Variants in KSR2 observed in about 807,000 individuals in gnomAD.
KSR2 encodes the protein kinase suppressor of ras 2.
A neutral mutation model predicts 107.8 loss-of-function variants in KSR2; 25 were observed. That is an observed-to-expected ratio of 0.23 (90% CI 0.17 to 0.32). The LOEUF (loss-of-function observed/expected upper bound fraction) is 0.32, where lower values mean the gene tolerates loss of function less well. Ranked by LOEUF, KSR2 falls within the 10% of genes least tolerant of loss-of-function variation. The pLI, the probability that KSR2 is intolerant of heterozygous loss-of-function variation, is 1.00. For synonymous variants in KSR2, 480 were observed against 507.0 expected (o/e 0.95, Z 0.71); for missense variants, 887 against 1,268.9 (o/e 0.70, Z 4.57).
chr12:117,485,729 G>T, intron 14 of KSR2, 38 bp from the exon 15 acceptor site: 1 of 1,437,334 alleles, frequency 7.0e-7, no homozygotes, highest in Non-Finnish European at 9.8e-7. Flanking sequence ...AATGGCAGTC[G>T]TTCAGAAGAA....
chr12:117,511,388 T>C (rs910715970), intron 14 of KSR2, among the ~76,000 whole-genome samples: 1 of 152,204 alleles, frequency 6.6e-6, no homozygotes, highest in Non-Finnish European at 1.5e-5. Flanking sequence ...AAATTCATCT[T>C]GGGAAGGCAT....
chr12:117,920,860 T>A (rs1260263377), intron 1 of KSR2, among the ~76,000 whole-genome samples: 1 of 152,082 alleles, frequency 6.6e-6, no homozygotes, highest in Non-Finnish European at 1.5e-5. Context: ...GGCTTCAAAG[T>A]GGGTTTGCGG....
At chr12:117,632,426 C>T (rs1396840634) in intron 5 of KSR2, among the ~76,000 whole-genome samples, 1 of 151,860 alleles carries the variant, frequency 6.6e-6, no homozygotes, top group Non-Finnish European at 1.5e-5. Flanking sequence ...CGGGGTTTCA[C>T]TTTGTTGGCC....
chr12:117,741,377 G>A (rs1005136891), intron 4 of KSR2, among the ~76,000 whole-genome samples: 3 of 151,576 alleles, frequency 2.0e-5, no homozygotes, highest in Non-Finnish European at 4.4e-5. Context: ...AATTTAATTA[G>A]CTGGGCACAG....
chr12:117,489,215 A>G (rs924611492), intron 14 of KSR2, among the ~76,000 whole-genome samples: 1 of 152,094 alleles, frequency 6.6e-6, no homozygotes, highest in Admixed American at 6.6e-5. Context: ...GGGGGAAGGC[A>G]GTGTTCTGTG....
chr12:117,665,990 G>A (rs531391315), intron 5 of KSR2, among the ~76,000 whole-genome samples: 163 of 152,276 alleles, frequency 1.1e-3, no homozygotes, highest in African/African-American at 3.6e-3. Flanking sequence ...CAGGCCCACC[G>A]TCATGAAGGG....
intron 5 of KSR2, 75 bp downstream of exon 5, chr12:117,667,399 C>G (rs1884699290): frequency 3.6e-6 from 5 of 1,387,232 alleles, no homozygotes; most frequent in Non-Finnish European, 5.0e-6. Context: ...GCACCTGGCA[C>G]AGAGGACAGC....
intron 5 of KSR2, among the ~76,000 whole-genome samples, chr12:117,616,161 G>GA (rs10632275): frequency 0.4 from 45,206 of 113,490 alleles, 8,398 homozygotes; most frequent in African/African-American, 0.53. Flanking sequence ...ACCCTGTCTC[G>GA]AAAAAAAAAA....
In KSR2 at chr12:117,842,969, G is replaced by A. The variant is rs1161125220; in HGVS notation, c.472+12459C>T. On this transcript the variant is annotated intron_variant, in intron 3 of 19. Transcript: ENST00000339824. The surrounding 1 kb of genome is among the most constrained non-coding windows in gnomAD (Gnocchi z 4.2). ...GTGGCTCTGTAGGAAGACTTCCTTG[G>A]TTCAGATTCAGCTTGGGAAGGAGGG... Among the ~76,000 whole-genome samples, 3 of 147,834 alleles carry A rather than the reference G, an allele frequency of 2.0e-5. No individual in the cohort carries two copies. The highest frequency in any genetic ancestry group is 7.7e-5 in the African/African-American group (3 of 39,082).
chr12:117,602,013 G>A (rs1880985037), intron 5 of KSR2, among the ~76,000 whole-genome samples: 1 of 152,210 alleles, frequency 6.6e-6, no homozygotes, highest in Non-Finnish European at 1.5e-5. Context: ...CATGCAAGCA[G>A]CCATAGGCGG....
intron 5 of KSR2, among the ~76,000 whole-genome samples, chr12:117,663,070 C>G (rs1884507826): frequency 6.6e-6 from 1 of 152,196 alleles, no homozygotes; most frequent in Non-Finnish European, 1.5e-5. Flanking sequence ...TAAGTGAGCA[C>G]AGCACACTGA....
intron 9 of KSR2, among the ~76,000 whole-genome samples, chr12:117,547,796 G>A (rs1876986871): frequency 6.6e-6 from 1 of 152,108 alleles, no homozygotes; most frequent in African/African-American, 2.4e-5. Context: ...GATACATGAA[G>A]CTAAAAGAAG....
intron 6 of KSR2, among the ~76,000 whole-genome samples, chr12:117,580,840 A>G (rs1299819588): frequency 6.6e-6 from 1 of 151,574 alleles, no homozygotes; most frequent in African/African-American, 2.4e-5. Context: ...GCTGAGCCAG[A>G]GGAGTGGCTG....
intron 5 of KSR2, among the ~76,000 whole-genome samples, chr12:117,665,408 A>C (rs1884618267): frequency 6.6e-6 from 1 of 152,312 alleles, no homozygotes; most frequent in South Asian, 2.1e-4. Context: ...GGCCAAAATT[A>C]AAGTGCAGAG....
intron 1 of KSR2, among the ~76,000 whole-genome samples, chr12:117,875,357 C>T (rs1216715503): frequency 8.1e-6 from 1 of 123,038 alleles, no homozygotes; most frequent in African/African-American, 3.1e-5. Context: ...TTTTTAAGAA[C>T]GAAAGCGGAG....
chr12:117,455,061 AG>A lies in KSR2; in HGVS notation c.*12137del, dbSNP rs1566112143. On this transcript the variant is annotated 3_prime_UTR_variant, in exon 20 of 20. Transcript: ENST00000339824. ...GAGAGAGAGAGAGAGAGAGAGAGAG[AG>A]AGAGAGAGAGGTCTGTAGAGCCAGA... The A allele has an allele frequency of 6.6e-6, 1 of 151,474 alleles. No individual in the cohort carries two copies. The highest frequency in any genetic ancestry group is 1.5e-5 in the Non-Finnish European group (1 of 68,070). The allele number at this position is 151,474 out of a possible 1,614,324, so 9.4% of individuals were successfully genotyped here. A position where few individuals can be genotyped will look rare whatever the true frequency, so the allele number is the denominator to read the frequency against.
At chr12:117,792,977 ACT>A (rs780391395) in intron 3 of KSR2, among the ~76,000 whole-genome samples, 126 of 143,472 alleles carry the variant, frequency 8.8e-4, no homozygotes, top group African/African-American at 2.6e-3. Context: ...ACATGCACAC[ACT>A]CTCACACCAA....
chr12:117,832,524 G>A (rs1014240553), intron 3 of KSR2, among the ~76,000 whole-genome samples: 8 of 152,306 alleles, frequency 5.3e-5, no homozygotes, highest in South Asian at 2.1e-4. Flanking sequence ...ACCTCACTGC[G>A]TCCTCAATGC....
At chr12:117,882,158 C>T (rs538628913) in intron 1 of KSR2, among the ~76,000 whole-genome samples, 20 of 152,300 alleles carry the variant, frequency 1.3e-4, no homozygotes, top group Admixed American at 3.9e-4. Context: ...CAGACAGGGA[C>T]GTGCACAGCT....
Sources: gnomAD v4.1 joint callset for allele counts (sites outside exome capture counted in the v4.1 genomes callset) on GRCh38, gnomAD v4.1.1 for gene constraint, Gnocchi (gnomAD v3.1) non-coding constraint, MANE v1.5 for transcripts, NCBI Gene and HGNC (gene_info 2026-07-23, HGNC 2026-07-21) for gene names.